The following RB1 variants were observed in gnomAD, a reference collection of about 807,000 sequenced individuals.
RB1 encodes retinoblastoma-associated protein.
Under a neutral mutation model 135.4 loss-of-function variants are expected in RB1, and 18 were observed. The ratio of observed to expected loss-of-function variants is 0.13; its 90% CI spans 0.09 to 0.20. The LOEUF (loss-of-function observed/expected upper bound fraction) is 0.20, where lower values mean the gene tolerates loss of function less well. Among genes scored for constraint, RB1 ranks in the 10% least tolerant of loss-of-function variants. The probability of loss-of-function intolerance (pLI) is 1.00; values close to 1 mark genes in which losing one functional copy is unlikely to be tolerated. For missense variants in RB1, 868 were observed against 1,110.0 expected, an observed-to-expected ratio of 0.78 and a Z score of 3.10; for synonymous variants, 365 against 373.2, an observed-to-expected ratio of 0.98 and a Z score of 0.25.
At chr13:48,456,609 G>GC (rs1949362242) in intron 19 of RB1, among the ~76,000 whole-genome samples, 2 of 151,932 alleles carry the variant, frequency 1.3e-5, no homozygotes, top group South Asian at 4.2e-4. Flanking sequence ...GCTCATTTCA[G>GC]CCCCTTGGTC....
At chr13:48,317,124 G>A in intron 2 of RB1, 1 of 911,488 alleles carries the variant, frequency 1.1e-6, no homozygotes. Flanking sequence ...TCCAAAGACA[G>A]GGCTGGGCCC....
At chr13:48,458,055 G>C (rs2138333888) in intron 19 of RB1, among the ~76,000 whole-genome samples, 1 of 152,328 alleles carries the variant, frequency 6.6e-6, no homozygotes, top group East Asian at 1.9e-4. Flanking sequence ...CGGTGGCTTG[G>C]GCGGCTGCAG....
At chr13:48,339,152 C>T (rs1384686020) in intron 2 of RB1, among the ~76,000 whole-genome samples, 1 of 152,146 alleles carries the variant, frequency 6.6e-6, no homozygotes, top group Non-Finnish European at 1.5e-5. Context: ...TCTGTCCATT[C>T]TCAGATCTCA....
intron 8 of RB1, 103 bp from the exon 9 acceptor site, chr13:48,364,791 A>G: frequency 3.8e-6 from 5 of 1,316,856 alleles, no homozygotes; most frequent in South Asian, 3.1e-5. Context: ...TTTTTACTGC[A>G]TGGGGGATTG....
chr13:48,474,792 C>T (rs530440220), intron 24 of RB1, among the ~76,000 whole-genome samples: 1 of 152,170 alleles, frequency 6.6e-6, no homozygotes, highest in Non-Finnish European at 1.5e-5. Context: ...ATCCACAACC[C>T]TAGTTGGCCT....
intron 23 of RB1, among the ~76,000 whole-genome samples, chr13:48,471,470 T>A: frequency 1.6e-5 from 2 of 122,096 alleles, no homozygotes; most frequent in Non-Finnish European, 3.4e-5. Context: ...AGATGACACG[T>A]TAGTGGGTGC....
At chr13:48,443,469 T>C (rs922076021) in intron 17 of RB1, among the ~76,000 whole-genome samples, 2 of 152,204 alleles carry the variant, frequency 1.3e-5, no homozygotes, top group African/African-American at 4.8e-5. Flanking sequence ...CACAGTTTAC[T>C]AAAATAGCTA....
chr13:48,471,834 T>C (rs928991521), intron 23 of RB1, among the ~76,000 whole-genome samples: 4 of 152,188 alleles, frequency 2.6e-5, no homozygotes, highest in African/African-American at 9.7e-5. Context: ...CTTGTTATAT[T>C]AAATGTAGAT....
At chr13:48,445,494 C>T (rs1949279678) in intron 17 of RB1, among the ~76,000 whole-genome samples, 1 of 152,188 alleles carries the variant, frequency 6.6e-6, no homozygotes, top group Non-Finnish European at 1.5e-5. Context: ...CTTTCATTTT[C>T]TGAAAGAACA....
intron 20 of RB1, among the ~76,000 whole-genome samples, chr13:48,460,992 A>G (rs1052512911): frequency 6.6e-6 from 1 of 152,318 alleles, no homozygotes; most frequent in Non-Finnish European, 1.5e-5. Context: ...AAAAATATAT[A>G]CATATATAGT....
At chr13:48,352,516 G>A (rs1338169599) in intron 6 of RB1, among the ~76,000 whole-genome samples, 4 of 151,960 alleles carry the variant, frequency 2.6e-5, no homozygotes, top group Non-Finnish European at 5.9e-5. Flanking sequence ...ATGTGTTTGT[G>A]TCATCTCTGA....
intron 14 of RB1, 142 bp from the exon 15 acceptor site, chr13:48,379,911 G>A (rs978804853): frequency 1.8e-4 from 127 of 713,138 alleles, no homozygotes; most frequent in Non-Finnish European, 1.1e-4. Context: ...AGTGAGCCAA[G>A]ATTGTGCCAT....
intron 6 of RB1, among the ~76,000 whole-genome samples, chr13:48,349,703 T>TAA (rs1952530297): frequency 6.6e-6 from 1 of 151,862 alleles, no homozygotes; most frequent in Non-Finnish European, 1.5e-5. Context: ...AATAATAACG[T>TAA]TGAACATAAA....
At chr13:48,372,391 T>G (rs1022542672) in intron 11 of RB1, among the ~76,000 whole-genome samples, 1 of 152,188 alleles carries the variant, frequency 6.6e-6, no homozygotes, top group Non-Finnish European at 1.5e-5. Flanking sequence ...CTGGGTGTGG[T>G]GGCTCACGCC....
intron 2 of RB1, among the ~76,000 whole-genome samples, chr13:48,341,586 C>T (rs1477185433): frequency 1.3e-5 from 2 of 151,964 alleles, no homozygotes; most frequent in African/African-American, 4.8e-5. Context: ...TATTGTCAGT[C>T]TTTTACATTT....
chr13:48,337,565 A>G (rs1016433444), intron 2 of RB1, among the ~76,000 whole-genome samples: 3 of 152,118 alleles, frequency 2.0e-5, no homozygotes, highest in Non-Finnish European at 4.4e-5. Flanking sequence ...TTTTGAGCCT[A>G]TGTGTGTCTC....
intron 3 of RB1, 51 bp downstream of exon 3, chr13:48,342,765 C>A (rs2138084354): frequency 8.0e-7 from 1 of 1,249,726 alleles, no homozygotes; most frequent in Non-Finnish European, 1.2e-6. Context: ...GAAACGAATT[C>A]TGGATTTTCC....
intron 21 of RB1, 140 bp downstream of exon 21, chr13:48,463,975 T>C: frequency 1.8e-6 from 1 of 570,080 alleles, no homozygotes; most frequent in South Asian, 2.6e-5. Context: ...AAATAAAAAC[T>C]TTTATATTAT....
chr13:48,357,076 A>G (rs1593441857), intron 6 of RB1, among the ~76,000 whole-genome samples: 1 of 151,268 alleles, frequency 6.6e-6, no homozygotes. Flanking sequence ...TGATTTTGTT[A>G]TTCTGTATTA....
Sources: allele counts gnomAD v4.1 joint callset (sites outside exome capture counted in the v4.1 genomes callset), GRCh38; gene constraint gnomAD v4.1.1; transcripts MANE v1.5; gene names NCBI Gene and HGNC (gene_info 2026-07-23, HGNC 2026-07-21).